The following CREM variants were observed in gnomAD, a reference collection of about 807,000 sequenced individuals.
CREM encodes cAMP responsive element modulator.
A neutral mutation model predicts 37.3 loss-of-function variants in CREM; 13 were observed. The ratio of observed to expected loss-of-function variants is 0.35; its 90% CI spans 0.23 to 0.55. CREM has a LOEUF of 0.55. Ranked by LOEUF, CREM falls within the 20% of genes least tolerant of loss-of-function variation. The pLI, the probability that CREM is intolerant of heterozygous loss-of-function variation, is 0.88. For synonymous variants in CREM, 124 were observed against 120.2 expected (o/e 1.03, Z -0.21); for missense variants, 296 against 362.3 (o/e 0.82, Z 1.49).
At position 35,166,739 on chromosome 10, in the gene CREM, C is replaced by CA. The variant is rs113123128; in HGVS notation, c.169-12144dup. ...GCTGAACTCTGTCTCCAACTCAAAA[C>CA]AAAAAACACCTTCATGGGAAGGAAG... On this transcript the variant is annotated intron_variant, in intron 3 of 7. Coordinates refer to ENST00000685392, the MANE Select transcript of CREM (RefSeq NM_183011.2). Among the ~76,000 whole-genome samples, 7 of 151,900 alleles carry CA rather than the reference C, an allele frequency of 4.6e-5. 1 individual carries two copies. The highest frequency in any genetic ancestry group is 1.7e-4 in the African/African-American group (7 of 41,440).
chr10:35,196,055 T>C, intron 6 of CREM: 4 of 1,613,914 alleles, frequency 2.5e-6, no homozygotes, highest in Non-Finnish European at 2.5e-6. Context: ...GTCATGAAAC[T>C]GTAATGCATG....
At chr10:35,177,257 T>G (rs34779708) in intron 3 of CREM, among the ~76,000 whole-genome samples, 49,666 of 151,942 alleles carry the variant, frequency 0.33, 8,246 homozygotes, top group South Asian at 0.35. Context: ...CTCCTGTGTT[T>G]CCCAGAAGTG....
intron 6 of CREM, among the ~76,000 whole-genome samples, chr10:35,197,822 TAG>T (rs1050490968): frequency 7.4e-4 from 113 of 152,314 alleles, no homozygotes; most frequent in African/African-American, 2.6e-3. Context: ...GAAGGTGTAG[TAG>T]AGTAGCTTTA....
intron 6 of CREM, among the ~76,000 whole-genome samples, chr10:35,204,548 CAAGA>C (rs1163767353): frequency 7.2e-6 from 1 of 139,712 alleles, no homozygotes; most frequent in East Asian, 2.1e-4. Context: ...TGCAGTAAGC[CAAGA>C]TTGCACCAGT....
rs562637992 is a variant in CREM, at chr10:35,212,319, G to A, written c.*921G>A. 1 of 152,284 alleles carries A rather than the reference G, an allele frequency of 6.6e-6. No individual in the cohort carries two copies. The highest frequency in any genetic ancestry group is 1.9e-4 in the East Asian group (1 of 5,322). 9.4% of individuals were successfully genotyped at this position (152,284 alleles called of 1,614,324 possible). ...TTGCTTTGTTAAAAAAAAAAAGATT[G>A]TATTGCTGTCCTTGAATGCCATAGT... On this transcript the variant is annotated 3_prime_UTR_variant, in exon 8 of 8. Transcript: ENST00000685392.
chr10:35,196,079 A>C lies in CREM; in HGVS notation c.598+7691A>C, dbSNP rs777848338. 6 of 1,614,126 alleles carry C rather than the reference A, an allele frequency of 3.7e-6. No homozygotes were observed. In the South Asian group the frequency reaches 5.5e-5, roughly 15 times the overall value. On this transcript the variant is annotated intron_variant, in intron 6 of 7. Transcript: ENST00000685392. ...CTGTAATGCATGAACAGAACTCAGG[A>C]GTTGTCTGGCCAGCTTAGTGGTAAG...
chr10:35,188,506 G>T (rs2094752970), intron 6 of CREM, 118 bp downstream of exon 6: 2 of 841,772 alleles, frequency 2.4e-6, no homozygotes, highest in Non-Finnish European at 3.4e-6. Flanking sequence ...GGGTTGGGAG[G>T]CACTTAAAAA....
At chr10:35,197,198 GT>G (rs764093455) in intron 6 of CREM, among the ~76,000 whole-genome samples, 1 of 151,780 alleles carries the variant, frequency 6.6e-6, no homozygotes, top group South Asian at 2.1e-4. Flanking sequence ...ATCCTTGAAA[GT>G]TTTTTTCACA....
chr10:35,175,524 G>A (rs2094013973), intron 3 of CREM: 1 of 681,022 alleles, frequency 1.5e-6, no homozygotes, highest in East Asian at 2.7e-5. Context: ...TCTGGCCTAA[G>A]AAAGGCTTCA....
At chr10:35,129,678 A>C (rs2135332944) in intron 1 of CREM, among the ~76,000 whole-genome samples, 1 of 152,336 alleles carries the variant, frequency 6.6e-6, no homozygotes, top group South Asian at 2.1e-4. Context: ...CAAACACTTA[A>C]TAGCTGAACG....
At chr10:35,151,051 CTT>C (rs946368186) in intron 3 of CREM, among the ~76,000 whole-genome samples, 2 of 152,080 alleles carry the variant, frequency 1.3e-5, no homozygotes, top group Non-Finnish European at 1.5e-5. Context: ...AGTATAGACT[CTT>C]TTAAGAAATT....
At chr10:35,153,814 G>A (rs1347342398) in intron 3 of CREM, among the ~76,000 whole-genome samples, 1 of 152,172 alleles carries the variant, frequency 6.6e-6, no homozygotes, top group Non-Finnish European at 1.5e-5. Flanking sequence ...AGATTGTCAA[G>A]GTCAGCAAAC....
At chr10:35,172,181 GTC>G (rs1385936966) in intron 3 of CREM, among the ~76,000 whole-genome samples, 5 of 152,112 alleles carry the variant, frequency 3.3e-5, no homozygotes, top group African/African-American at 1.2e-4. Context: ...TATTTTGCCA[GTC>G]TCTGACACAT....
At chr10:35,185,665 G>A (rs985761179) in intron 5 of CREM, among the ~76,000 whole-genome samples, 2 of 152,106 alleles carry the variant, frequency 1.3e-5, no homozygotes, top group African/African-American at 4.8e-5. Flanking sequence ...TGAAATCTTT[G>A]GAAAGCCATG....
chr10:35,174,892 A>G (rs1383791061), intron 3 of CREM, among the ~76,000 whole-genome samples: 2 of 152,160 alleles, frequency 1.3e-5, no homozygotes, highest in African/African-American at 2.4e-5. Context: ...TCTCTGCCCA[A>G]AGTTAAGTGA....
At chr10:35,187,693 C>G (rs760654752) in intron 5 of CREM, among the ~76,000 whole-genome samples, 3 of 151,624 alleles carry the variant, frequency 2.0e-5, no homozygotes, top group African/African-American at 4.8e-5. Context: ...TTTTTAGAGA[C>G]AGGGTTTTCC....
At chr10:35,134,048 G>GTTTTT (rs1454490231) in intron 1 of CREM, among the ~76,000 whole-genome samples, 1 of 141,590 alleles carries the variant, frequency 7.1e-6, no homozygotes, top group African/African-American at 2.6e-5. Flanking sequence ...GCAGGTAAAA[G>GTTTTT]TTTTTTGTTT....
chr10:35,134,803 C>T (rs1010737981), intron 1 of CREM, among the ~76,000 whole-genome samples: 8 of 151,772 alleles, frequency 5.3e-5, no homozygotes, highest in African/African-American at 9.7e-5. Context: ...TTTGGGAGGC[C>T]GAGGCAGGCG....
In CREM at chr10:35,148,438, T is replaced by C. The variant is rs1564816486; in HGVS notation, c.115T>C (p.Ser39Pro). ...AACAGCTTCTTTGACAGAGAGCAAG[T>C]CTGCTCATGTGCAGACTCAGACTGG... is the stretch of plus-strand genomic sequence containing the variant. ...SITASLTESK[S>P]AHVQTQTGQN... The change falls in exon 3 of 8, where the codon TCT (serine) becomes CCT (proline). Residue 39 changes from serine to proline, a missense_variant. Physicochemically the swap from Ser to Pro is moderately conservative, Grantham distance 74. Around this residue, in one of 2 missense-constraint regions of CREM, gnomAD observed 257 missense variants for 280.2 expected, o/e 0.92. Coordinates refer to ENST00000685392, the MANE Select transcript of CREM (RefSeq NM_183011.2). 1 of 1,613,820 alleles carries C rather than the reference T, an allele frequency of 6.2e-7. No individual in the cohort carries two copies. Among genetic ancestry groups the C allele is most frequent in the South Asian group, 1.1e-5 (1 of 91,024 alleles).
Sources: gnomAD v4.1 joint callset for allele counts (sites outside exome capture counted in the v4.1 genomes callset) on GRCh38, gnomAD v4.1.1 for gene constraint, gnomAD v4.1.1 regional missense constraint, MANE v1.5 for transcripts, NCBI Gene and HGNC (gene_info 2026-07-23, HGNC 2026-07-21) for gene names.